EVI5L: variants seen among roughly 807,000 people sequenced by gnomAD.
EVI5L encodes EVI5-like protein.
Under a neutral mutation model 106.1 loss-of-function variants are expected in EVI5L, and 30 were observed. The ratio of observed to expected loss-of-function variants is 0.28; its 90% confidence interval spans 0.21 to 0.38. EVI5L has a LOEUF of 0.38. EVI5L is among the 10% of genes least tolerant of loss of function. EVI5L has a pLI of 1.00. For missense variants in EVI5L, 809 were observed against 1,098.0 expected, an observed-to-expected ratio of 0.74 and a Z score of 3.72; for synonymous variants, 489 against 483.3, an observed-to-expected ratio of 1.01 and a Z score of -0.15.
chr19:7,843,664 A>G (rs1160921887), intron 1 of EVI5L, among the ~76,000 whole-genome samples: 1 of 136,788 alleles, frequency 7.3e-6, no homozygotes, highest in Non-Finnish European at 1.6e-5. Context: ...ATGTGTGTGT[A>G]TAGGTGTATG....
At chr19:7,852,155 T>C (rs1979282578) in intron 8 of EVI5L, among the ~76,000 whole-genome samples, 1 of 152,148 alleles carries the variant, frequency 6.6e-6, no homozygotes, top group Non-Finnish European at 1.5e-5. Context: ...AGGAGGGAGT[T>C]TGGGGGTCTA....
At chr19:7,854,123 A>G (rs1206635746) in intron 10 of EVI5L, among the ~76,000 whole-genome samples, 1 of 151,900 alleles carries the variant, frequency 6.6e-6, no homozygotes, top group African/African-American at 2.4e-5. Flanking sequence ...CTCTATTAAA[A>G]ATACAAAAAT....
intron 1 of EVI5L, among the ~76,000 whole-genome samples, chr19:7,837,191 C>T (rs911092804): frequency 1.3e-5 from 2 of 151,266 alleles, no homozygotes; most frequent in African/African-American, 4.9e-5. Flanking sequence ...ATTAGCCGGG[C>T]GTGGTGGTGC....
In EVI5L at chr19:7,857,388, G is replaced by A. The variant is rs556818471; in HGVS notation, c.1233+264G>A. ...CATGCATGTACAGAAAGCTTCCTCC[G>A]GGCGACACAGGGTGGGGACCCAGGA... On this transcript the variant is annotated intron_variant, in intron 12 of 19. Transcript: ENST00000538904. The surrounding 1 kb of genome is among the most constrained non-coding windows in gnomAD (Gnocchi z 4.5). 2.4e-5 allele frequency: 14 copies of A among 594,434 alleles called. No homozygotes were observed. The highest frequency in any genetic ancestry group is 4.5e-4 in the Middle Eastern group (1 of 2,212). The allele number at this position is 594,434 out of a possible 1,614,324, so 36.8% of individuals were successfully genotyped here. A position where few individuals can be genotyped will look rare whatever the true frequency, so the allele number is the denominator to read the frequency against.
intron 5 of EVI5L, 24 bp from the exon 6 acceptor site, chr19:7,849,973 C>A: frequency 6.4e-7 from 1 of 1,569,428 alleles, no homozygotes; most frequent in East Asian, 2.3e-5. Context: ...GCCCTGAGCC[C>A]CCCCACCTGC....
chr19:7,862,546 C>A lies in EVI5L; in HGVS notation c.1947+12C>A. ...AGGCCGAGTGCAAGGTGCAGACCCC[C>A]GCGGCCCCGCCCTGCCCGTGGCACC... On this transcript the variant is annotated intron_variant, in intron 17 of 19. Transcript: ENST00000538904. 1 of 1,434,788 alleles carries A rather than the reference C, an allele frequency of 7.0e-7. No homozygotes were observed. Among genetic ancestry groups the A allele is most frequent in the Non-Finnish European group, 9.2e-7 (1 of 1,092,462 alleles). The allele number at this position is 1,434,788 out of a possible 1,614,324, so 88.9% of individuals were successfully genotyped here.
At chr19:7,852,991 C>G in intron 8 of EVI5L, 95 bp from the exon 9 acceptor site, 1 of 1,237,926 alleles carries the variant, frequency 8.1e-7, no homozygotes, top group Non-Finnish European at 1.2e-6. Context: ...CGGGCAGACC[C>G]GTTCCTGCCC....
intron 10 of EVI5L, among the ~76,000 whole-genome samples, chr19:7,855,376 G>A (rs1979472081): frequency 6.6e-6 from 1 of 152,180 alleles, no homozygotes; most frequent in Non-Finnish European, 1.5e-5. Flanking sequence ...ACAGGCGTGA[G>A]CCACTACACC....
intron 1 of EVI5L, among the ~76,000 whole-genome samples, chr19:7,841,049 C>T (rs1978579069): frequency 1.3e-5 from 2 of 152,128 alleles, no homozygotes; most frequent in Non-Finnish European, 2.9e-5. Context: ...TTGTTTACTG[C>T]AAGCATTTAT....
chr19:7,858,666 A>C lies in EVI5L; in HGVS notation c.1374+335A>C. ...GCAGCAGACAGGGCTGTGACTCCTT[A>C]CGGAGGCTCTTGCCTGTCCCCAGGG... On this transcript the variant is annotated intron_variant, in intron 13 of 19. Transcript: ENST00000538904. This position sits in a 1 kb window ranked among gnomAD's most constrained non-coding sequence, Gnocchi z 5.7. The C allele has an allele frequency of 6.2e-6, 2 of 322,348 alleles. No homozygotes were observed. Among genetic ancestry groups the C allele is most frequent in the Non-Finnish European group, 1.2e-5 (2 of 173,872 alleles). The allele number at this position is 322,348 out of a possible 1,614,324, so 20.0% of individuals were successfully genotyped here. A position where few individuals can be genotyped will look rare whatever the true frequency, so the allele number is the denominator to read the frequency against.
At chr19:7,854,554 G>C (rs572497995) in intron 10 of EVI5L, among the ~76,000 whole-genome samples, 22 of 152,164 alleles carry the variant, frequency 1.4e-4, no homozygotes, top group Non-Finnish European at 3.2e-4. Flanking sequence ...AGGGTGGCTT[G>C]AGGCCAGGAG....
At position 7,863,717 on chromosome 19, in the gene EVI5L, C is replaced by T; in HGVS notation, c.*15C>T. On this transcript the variant is annotated 3_prime_UTR_variant, in exon 20 of 20. Coordinates refer to ENST00000538904, the MANE Select transcript of EVI5L (RefSeq NM_001159944.3). The surrounding 1 kb of genome is among the most constrained non-coding windows in gnomAD (Gnocchi z 7.7). ...TGGACAACTGAGGCCATGCCCAGCG[C>T]GCCCGGAGTCAGGAGGCCGCAGCCG... 6.9e-7 allele frequency: 1 copy of T among 1,444,874 alleles called. No individual in the cohort carries two copies. The highest frequency in any genetic ancestry group is 9.1e-7 in the Non-Finnish European group (1 of 1,103,684). 89.5% of individuals were successfully genotyped at this position (1,444,874 alleles called of 1,614,324 possible). A position where few individuals can be genotyped will look rare whatever the true frequency, so the allele number is the denominator to read the frequency against.
In EVI5L at chr19:7,850,717, G is replaced by A. The variant is rs369263470; in HGVS notation, c.753+595G>A. ...CACTCCCTGGGCCTGGATCATGGAC[G>A]GTGCTGTAGCCTTAGGGGGCCTGGT... On this transcript the variant is annotated intron_variant, in intron 6 of 19. Coordinates refer to ENST00000538904, the MANE Select transcript of EVI5L (RefSeq NM_001159944.3). The surrounding 1 kb of genome is among the most constrained non-coding windows in gnomAD (Gnocchi z 5.4). Among the ~76,000 whole-genome samples the A allele has an allele frequency of 1.3e-5, 2 of 152,258 alleles. No individual in the cohort carries two copies.
At chr19:7,842,904 G>T (rs113882626) in intron 1 of EVI5L, among the ~76,000 whole-genome samples, 1 of 152,006 alleles carries the variant, frequency 6.6e-6, no homozygotes, top group Non-Finnish European at 1.5e-5. Context: ...TGTATTGAGT[G>T]TGTGCATGTG....
At position 7,856,154 on chromosome 19, in the gene EVI5L, C is replaced by T; in HGVS notation, c.1200+86C>T. ...CATGGCCGCTAACCTGGGGTGGACT[C>T]CTCCAAGTCTTCTCCTCTCTGGAGG... is the stretch of plus-strand genomic sequence containing the variant. On this transcript the variant is annotated intron_variant, in intron 11 of 19. Coordinates refer to ENST00000538904, the MANE Select transcript of EVI5L (RefSeq NM_001159944.3). The surrounding 1 kb of genome is among the most constrained non-coding windows in gnomAD (Gnocchi z 6.6). 8.1e-7 allele frequency: 1 copy of T among 1,227,598 alleles called. No individual in the cohort carries two copies. The highest frequency in any genetic ancestry group is 1.5e-5 in the African/African-American group (1 of 64,842). 76.0% of individuals were successfully genotyped at this position (1,227,598 alleles called of 1,614,324 possible).
chr19:7,842,104 G>C (rs1387742323), intron 1 of EVI5L, among the ~76,000 whole-genome samples: 1 of 152,108 alleles, frequency 6.6e-6, no homozygotes, highest in Non-Finnish European at 1.5e-5. Flanking sequence ...GTGTGAAAGA[G>C]TATGTGTGTA....
chr19:7,857,471 TCACA>T lies in EVI5L; in HGVS notation c.1233+358_1233+361del, dbSNP rs200295466. On this transcript the variant is annotated intron_variant, in intron 12 of 19. Transcript: ENST00000538904. This position sits in a 1 kb window ranked among gnomAD's most constrained non-coding sequence, Gnocchi z 4.5. Reference sequence around the variant, plus strand: ...GGCCCTGGTGTGTGCAGTGCTGCGGTCACACACACACACAACACATGCACACACA... The same window carrying T: ...GGCCCTGGTGTGTGCAGTGCTGCGGTCACACACACAACACATGCACACACA... 9 of 471,566 alleles carry T rather than the reference TCACA, an allele frequency of 1.9e-5. No homozygotes were observed. Among genetic ancestry groups the T allele is most frequent in the Non-Finnish European group, 2.3e-5 (6 of 255,932 alleles). The allele number at this position is 471,566 out of a possible 1,614,324, so 29.2% of individuals were successfully genotyped here.
Position 7,863,395 on chromosome 19 carries a change from A to G in EVI5L, c.2140-29A>G, listed in dbSNP as rs1406302973. 6.5e-6 allele frequency: 10 copies of G among 1,529,842 alleles called. No homozygotes were observed. The highest frequency in any genetic ancestry group is 1.4e-5 in the African/African-American group (1 of 72,216). The allele number at this position is 1,529,842 out of a possible 1,614,324, so 94.8% of individuals were successfully genotyped here. A position where few individuals can be genotyped will look rare whatever the true frequency, so the allele number is the denominator to read the frequency against. ...GGAGGGCGGGGCAGAAGGCCGGTCC[A>G]CGCCTGCAGCGCCGGTCCCCCGCCC... On this transcript the variant is annotated intron_variant, in intron 19 of 19. Coordinates refer to ENST00000538904, the MANE Select transcript of EVI5L (RefSeq NM_001159944.3). This position sits in a 1 kb window ranked among gnomAD's most constrained non-coding sequence, Gnocchi z 7.7.
In EVI5L at chr19:7,858,814, G is replaced by C. The variant is rs949466239; in HGVS notation, c.1374+483G>C. ...GCTGAGGGGGCACCTTGAGTGTCTTGAGGGCCATGAACTTTGGGTCCCATG... is the reference window on the plus strand; with the variant it reads ...GCTGAGGGGGCACCTTGAGTGTCTTCAGGGCCATGAACTTTGGGTCCCATG... On this transcript the variant is annotated intron_variant, in intron 13 of 19. Transcript: ENST00000538904. The surrounding 1 kb of genome is among the most constrained non-coding windows in gnomAD (Gnocchi z 5.7). The C allele has an allele frequency of 6.4e-6, 1 of 155,850 alleles. No homozygotes were observed. Among genetic ancestry groups the C allele is most frequent in the African/African-American group, 2.4e-5 (1 of 41,528 alleles). 9.7% of individuals were successfully genotyped at this position (155,850 alleles called of 1,614,324 possible).
Sources: allele counts gnomAD v4.1 joint callset (sites outside exome capture counted in the v4.1 genomes callset), GRCh38; gene constraint gnomAD v4.1.1; non-coding constraint Gnocchi (gnomAD v3.1); transcripts MANE v1.5; gene names NCBI Gene and HGNC (gene_info 2026-07-23, HGNC 2026-07-21).